Variants in VCPIP1 observed in about 807,000 individuals in gnomAD.
VCPIP1 encodes the protein valosin containing protein interacting protein 1.
A neutral mutation model predicts 85.0 loss-of-function variants in VCPIP1; 8 were observed. The observed-to-expected ratio is 0.09, with a 90% CI of 0.06 to 0.17. The LOEUF is 0.17. VCPIP1 is among the 10% of genes least tolerant of loss of function. The probability of loss-of-function intolerance (pLI) is 1.00; values close to 1 mark genes in which losing one functional copy is unlikely to be tolerated. For missense variants in VCPIP1, 1,070 were observed against 1,486.3 expected, an observed-to-expected ratio of 0.72 and a Z score of 4.61; for synonymous variants, 543 against 544.5, an observed-to-expected ratio of 1.00 and a Z score of 0.04.
intron 2 of VCPIP1, among the ~76,000 whole-genome samples, chr8:66,641,629 C>T (rs148679835): frequency 1.3e-5 from 2 of 152,316 alleles, no homozygotes; most frequent in African/African-American, 4.8e-5. Flanking sequence ...CATTCCCAGC[C>T]CTAGGGAAGC....
At chr8:66,641,535 G>A (rs145093978) in intron 2 of VCPIP1, among the ~76,000 whole-genome samples, 24 of 152,148 alleles carry the variant, frequency 1.6e-4, no homozygotes, top group Middle Eastern at 3.4e-3. Flanking sequence ...AGTTTTTAGC[G>A]TATTCACAAA....
chr8:66,642,401 T>C (rs955084512), intron 2 of VCPIP1, among the ~76,000 whole-genome samples: 4 of 152,216 alleles, frequency 2.6e-5, no homozygotes, highest in African/African-American at 9.6e-5. Context: ...ACTTTCTTGA[T>C]AGTATAATTT....
In VCPIP1 at chr8:66,634,155, G is replaced by T; in HGVS notation, c.*346C>A. On this transcript the variant is annotated 3_prime_UTR_variant, in exon 3 of 3. Transcript: ENST00000310421. ...AATCTCATTTCCCCTCCATTTGTAG[G>T]CTTTTCAGAAATCAAACGTATTTAA... The T allele has an allele frequency of 5.7e-6, 1 of 176,878 alleles. No individual in the cohort carries two copies. The highest frequency in any genetic ancestry group is 1.2e-5 in the Non-Finnish European group (1 of 84,738). 11.0% of individuals were successfully genotyped at this position (176,878 alleles called of 1,614,324 possible).
chr8:66,647,646 C>T (rs1811010153), intron 2 of VCPIP1, among the ~76,000 whole-genome samples: 3 of 152,016 alleles, frequency 2.0e-5, no homozygotes, highest in African/African-American at 7.2e-5. Flanking sequence ...TTGCATATCA[C>T]ATAATTCATC....
Position 66,666,973 on chromosome 8 carries a change from G to C in VCPIP1, c.-15C>G. 6.5e-7 allele frequency: 1 copy of C among 1,527,106 alleles called. No individual in the cohort carries two copies. The highest frequency in any genetic ancestry group is 1.4e-5 in the African/African-American group (1 of 71,746). 94.6% of individuals were successfully genotyped at this position (1,527,106 alleles called of 1,614,324 possible). ...GGCTGAGACATAGCTCCTGGCTCTC[G>C]TGTCTCGCTCCGCGTCCCAGGCGAC... On this transcript the variant is annotated 5_prime_UTR_variant, in exon 1 of 3. Transcript: ENST00000310421. The surrounding 1 kb of genome is among the most constrained non-coding windows in gnomAD (Gnocchi z 6.3).
chr8:66,645,199 T>G (rs1169055043), intron 2 of VCPIP1, among the ~76,000 whole-genome samples: 2 of 150,434 alleles, frequency 1.3e-5, no homozygotes, highest in Non-Finnish European at 2.9e-5. Flanking sequence ...GGCAGGCAGA[T>G]CACGAGTCAG....
At chr8:66,652,442 T>C (rs1262443265) in intron 1 of VCPIP1, among the ~76,000 whole-genome samples, 1 of 152,008 alleles carries the variant, frequency 6.6e-6, no homozygotes, top group Non-Finnish European at 1.5e-5. Flanking sequence ...GGTGAAACCC[T>C]GTCTCTATTA....
At position 66,665,373 on chromosome 8, in the gene VCPIP1, T is replaced by C; in HGVS notation, c.1586A>G (p.Asp529Gly). 1 of 1,614,212 alleles carries C rather than the reference T, an allele frequency of 6.2e-7. No homozygotes were observed. ...AGCTGTTAGGTTACTCATTCCATAG[T>C]CTGGTACCAGAACATCTTTCACTGA... ...YDSVKDVLVP[D>G]YGMSNLTACN... Residue 529 changes from aspartate to glycine, a missense_variant, in exon 1 of 3, where the codon GAC becomes GGC. By Grantham distance (94) the Asp-to-Gly change is moderately conservative. Around this residue, in one of 8 missense-constraint regions of VCPIP1, gnomAD observed 123 missense variants for 156.3 expected, o/e 0.79. Transcript: ENST00000310421. This position sits in a 1 kb window ranked among gnomAD's most constrained non-coding sequence, Gnocchi z 4.3.
rs114049264 is a variant in VCPIP1 at position 66,640,234 on chromosome 8, T to C, written c.2798-4862A>G. ...CTGTGTTATAGTCAGAATTTTAATT[T>C]TGTGAACAGCTAGAATTCTAATAAC... On this transcript the variant is annotated intron_variant, in intron 2 of 2. Transcript: ENST00000310421. Among the ~76,000 whole-genome samples, 741 of 152,338 alleles carry C rather than the reference T, an allele frequency of 4.9e-3. 6 individuals are homozygous for C. The highest frequency in any genetic ancestry group is 0.016 in the African/African-American group (657 of 41,570).
chr8:66,640,359 T>A (rs1289371702), intron 2 of VCPIP1, among the ~76,000 whole-genome samples: 1 of 152,180 alleles, frequency 6.6e-6, no homozygotes, highest in Non-Finnish European at 1.5e-5. Flanking sequence ...CCTGACATTA[T>A]CATACCCACT....
In VCPIP1 at chr8:66,661,573, A is replaced by G. The variant is rs185452076; in HGVS notation, c.2710+2676T>C. ...ACACGGTGAAACCCTGTCTCTACTA[A>G]AAATACAAAAAAATTAGCCAGGTGT... On this transcript the variant is annotated intron_variant, in intron 1 of 2. Coordinates refer to ENST00000310421, the MANE Select transcript of VCPIP1 (RefSeq NM_025054.5). Among the ~76,000 whole-genome samples, 263 of 151,798 alleles carry G rather than the reference A, an allele frequency of 1.7e-3. 1 individual carries two copies. The highest frequency in any genetic ancestry group is 2.7e-3 in the Non-Finnish European group (181 of 67,904).
At chr8:66,646,533 C>T (rs190413653) in intron 2 of VCPIP1, among the ~76,000 whole-genome samples, 1 of 152,220 alleles carries the variant, frequency 6.6e-6, no homozygotes, top group Admixed American at 6.5e-5. Flanking sequence ...CGGTGGTTCA[C>T]GCCTGTAATC....
intron 2 of VCPIP1, among the ~76,000 whole-genome samples, chr8:66,646,512 T>TA (rs1306173743): frequency 6.6e-5 from 10 of 152,236 alleles, no homozygotes; most frequent in African/African-American, 2.2e-4. Flanking sequence ...TTTATATGGA[T>TA]AGGCCAGGCG....
chr8:66,652,798 T>C (rs1322888336), intron 1 of VCPIP1, among the ~76,000 whole-genome samples: 2 of 152,160 alleles, frequency 1.3e-5, no homozygotes, highest in Non-Finnish European at 2.9e-5. Context: ...GGCAGGAACA[T>C]AACAGTTACT....
At chr8:66,651,671 C>A in intron 1 of VCPIP1, 127 bp from the exon 2 acceptor site, 1 of 638,290 alleles carries the variant, frequency 1.6e-6, no homozygotes, top group Non-Finnish European at 2.6e-6. Context: ...CAGCCTGACA[C>A]GCCATAGAGG....
chr8:66,664,164 ATTTCT>A (rs1811183550), intron 1 of VCPIP1, 80 bp downstream of exon 1: 2 of 1,402,458 alleles, frequency 1.4e-6, no homozygotes, highest in Middle Eastern at 1.9e-4. Context: ...ATGGCTACAG[ATTTCT>A]TTTCCCCCAA....
intron 2 of VCPIP1, among the ~76,000 whole-genome samples, chr8:66,650,791 C>T (rs1012969019): frequency 1.6e-5 from 2 of 126,670 alleles, no homozygotes; most frequent in East Asian, 5.2e-4. Flanking sequence ...AACCCAGAGG[C>T]GGAGGTTGCA....
Position 66,634,456 on chromosome 8 carries a change from A to C in VCPIP1, c.*45T>G, listed in dbSNP as rs376876505. 56 of 1,525,240 alleles carry C rather than the reference A, an allele frequency of 3.7e-5. No individual in the cohort carries two copies. The highest frequency in any genetic ancestry group is 4.7e-5 in the Non-Finnish European group (54 of 1,139,246). The allele number at this position is 1,525,240 out of a possible 1,614,324, so 94.5% of individuals were successfully genotyped here. A position where few individuals can be genotyped will look rare whatever the true frequency, so the allele number is the denominator to read the frequency against. ...TTACGTGGCCCAGCCAACAAATATT[A>C]CATATTCACAATAAACATTCTGCCT... On this transcript the variant is annotated 3_prime_UTR_variant, in exon 3 of 3. Coordinates refer to ENST00000310421, the MANE Select transcript of VCPIP1 (RefSeq NM_025054.5).
intron 2 of VCPIP1, among the ~76,000 whole-genome samples, chr8:66,635,585 A>T (rs890154196): frequency 1.1e-4 from 17 of 152,248 alleles, no homozygotes; most frequent in African/African-American, 3.1e-4. Flanking sequence ...TTTTAAAAAA[A>T]TTTTTTTGCT....
Sources: gnomAD v4.1 joint callset for allele counts (sites outside exome capture counted in the v4.1 genomes callset) on GRCh38, gnomAD v4.1.1 for gene constraint, gnomAD v4.1.1 regional missense constraint, Gnocchi (gnomAD v3.1) non-coding constraint, MANE v1.5 for transcripts, NCBI Gene and HGNC (gene_info 2026-07-23, HGNC 2026-07-21) for gene names.